DSC3: variants seen among roughly 807,000 people sequenced by gnomAD.
DSC3 encodes the protein desmocollin-3.
Under a neutral mutation model 89.5 loss-of-function variants are expected in DSC3, and 97 were observed. The ratio of observed to expected loss-of-function variants is 1.08; its 90% CI spans 0.92 to 1.28. The LOEUF (loss-of-function observed/expected upper bound fraction) is 1.28, where lower values mean the gene tolerates loss of function less well. DSC3 is among the 50% of genes most tolerant of loss of function. The pLI is 0.00. For synonymous variants in DSC3, 436 were observed against 384.1 expected (o/e 1.14, Z -1.58); for missense variants, 1,199 against 1,085.3 (o/e 1.10, Z -1.47).
In DSC3 at chr18:31,018,255, T is replaced by A; in HGVS notation, c.1079A>T (p.Tyr360Phe). ...TGCATTTTCCTCTACAAATGCTTCA[T>A]ACTGAAACAGAAAGAAGTCATTGAA... Reference protein sequence around the residue: ...DNAPTFRQNAYEAFVEENAFN... With the variant: ...DNAPTFRQNAFEAFVEENAFN... Residue 360 changes from tyrosine to phenylalanine, a missense_variant and splice_region_variant, in exon 9 of 16, where the codon TAT (tyrosine) becomes TTT (phenylalanine). Physicochemically the swap from Tyr to Phe is conservative, Grantham distance 22. Coordinates refer to ENST00000360428, the MANE Select transcript of DSC3 (RefSeq NM_001941.5). 6.2e-7 allele frequency: 1 copy of A among 1,606,752 alleles called. No individual in the cohort carries two copies. The highest frequency in any genetic ancestry group is 8.5e-7 in the Non-Finnish European group (1 of 1,177,094).
Position 30,989,944 on chromosome 18 carries a change from T to G in DSC3, c.*4231A>C, listed in dbSNP as rs1020551454. The stretch of plus-strand genomic sequence containing the variant: ...GGAACTTAAAATAAAATAAGTGTTA[T>G]CAATGTTCATTGTGAAAAAATCAAC... On this transcript the variant is annotated 3_prime_UTR_variant, in exon 16 of 16. Transcript: ENST00000360428. 2 of 152,446 alleles carry G rather than the reference T, an allele frequency of 1.3e-5. No individual in the cohort carries two copies. The highest frequency in any genetic ancestry group is 2.9e-5 in the Non-Finnish European group (2 of 68,066). The allele number at this position is 152,446 out of a possible 1,614,324, so 9.4% of individuals were successfully genotyped here. A position where few individuals can be genotyped will look rare whatever the true frequency, so the allele number is the denominator to read the frequency against.
intron 4 of DSC3, 98 bp downstream of exon 4, chr18:31,029,411 A>G (rs1985704480): frequency 6.8e-7 from 1 of 1,470,844 alleles, no homozygotes; most frequent in South Asian, 1.2e-5. Flanking sequence ...ATCTTTAATC[A>G]GATCTGTTTA....
rs147918907 is a variant in DSC3 at position 31,028,123 on chromosome 18, G to C, written c.474+1386C>G. Among the ~76,000 whole-genome samples, 190 of 152,214 alleles carry C rather than the reference G, an allele frequency of 1.2e-3. 3 individuals are homozygous for C. The East Asian group carries it at 0.033, about 26-fold the overall frequency. ...AATAGTATTTAGAGTTATGAGATCTGATGAGATCACTGAGAGAGTAAATAT... is the reference window on the plus strand; with the variant it reads ...AATAGTATTTAGAGTTATGAGATCTCATGAGATCACTGAGAGAGTAAATAT... On this transcript the variant is annotated intron_variant, in intron 4 of 15. Transcript: ENST00000360428.
At chr18:31,019,173 T>A (rs2144711269) in intron 7 of DSC3, among the ~76,000 whole-genome samples, 1 of 152,358 alleles carries the variant, frequency 6.6e-6, no homozygotes, top group South Asian at 2.1e-4. Flanking sequence ...CTTGGCTCAC[T>A]GCAACCTCCG....
chr18:31,040,135 C>T (rs1986086962), intron 1 of DSC3, among the ~76,000 whole-genome samples: 1 of 152,054 alleles, frequency 6.6e-6, no homozygotes, highest in South Asian at 2.1e-4. Context: ...AGTTCATATA[C>T]TCCAAAGAGG....
At chr18:31,019,170 C>T (rs1985336119) in intron 7 of DSC3, among the ~76,000 whole-genome samples, 1 of 152,234 alleles carries the variant, frequency 6.6e-6, no homozygotes, top group African/African-American at 2.4e-5. Context: ...GATCTTGGCT[C>T]ACTGCAACCT....
chr18:31,028,312 A>C (rs902105872), intron 4 of DSC3, among the ~76,000 whole-genome samples: 1 of 152,134 alleles, frequency 6.6e-6, no homozygotes, highest in African/African-American at 2.4e-5. Context: ...CCTAGGAGCC[A>C]AATGAACAAA....
chr18:31,010,192 A>T (rs1318775812), intron 9 of DSC3, among the ~76,000 whole-genome samples: 1 of 152,236 alleles, frequency 6.6e-6, no homozygotes. Flanking sequence ...TGAATCTTAG[A>T]ATCTACAAAA....
intron 7 of DSC3, among the ~76,000 whole-genome samples, chr18:31,019,481 C>G (rs1985348191): frequency 6.6e-6 from 1 of 152,128 alleles, no homozygotes; most frequent in Admixed American, 6.6e-5. Context: ...TTGAAACTCC[C>G]CTGCAGCAAT....
In DSC3 at chr18:31,004,242, A is replaced by G. The variant is rs1984761033; in HGVS notation, c.2013T>C (p.Cys671=). ...TCGCACGACACTGAGTTGGATGAGT[A>G]CATTCACACAGATTAACTCTCAATA... The part of the protein sequence containing the change: ...TKLLRVNLCE[C]THPTQCRATS... Residue 671 remains cysteine (C), a synonymous_variant, in exon 13 of 16, where the codon TGT becomes TGC. Coordinates refer to ENST00000360428, the MANE Select transcript of DSC3 (RefSeq NM_001941.5). 1 of 1,614,036 alleles carries G rather than the reference A, an allele frequency of 6.2e-7. No homozygotes were observed. The highest frequency in any genetic ancestry group is 8.5e-7 in the Non-Finnish European group (1 of 1,179,922).
intron 12 of DSC3, among the ~76,000 whole-genome samples, chr18:31,006,233 A>C (rs935297458): frequency 1.3e-5 from 2 of 152,132 alleles, no homozygotes; most frequent in Non-Finnish European, 2.9e-5. Flanking sequence ...CCTCACTTCC[A>C]GAGTCAGCTT....
In DSC3 at chr18:30,993,826, A is replaced by C. The variant is rs1346299749; in HGVS notation, c.*349T>G. ...TTGTTTATTTTTTAAACTATCACTT[A>C]AAGTGAATACATAATAATGTGATAT... On this transcript the variant is annotated 3_prime_UTR_variant, in exon 16 of 16. Transcript: ENST00000360428. 1 of 201,052 alleles carries C rather than the reference A, an allele frequency of 5.0e-6. No individual in the cohort carries two copies. Among genetic ancestry groups the C allele is most frequent in the Admixed American group, 5.4e-5 (1 of 18,460 alleles). The allele number at this position is 201,052 out of a possible 1,614,324, so 12.5% of individuals were successfully genotyped here. A position where few individuals can be genotyped will look rare whatever the true frequency, so the allele number is the denominator to read the frequency against.
At chr18:31,032,815 T>C (rs1025190825) in intron 1 of DSC3, among the ~76,000 whole-genome samples, 2 of 152,256 alleles carry the variant, frequency 1.3e-5, no homozygotes, top group South Asian at 2.1e-4. Context: ...TTTAACATTA[T>C]ACTGGAGCTT....
In DSC3 at chr18:31,024,506, A is replaced by G. The variant is rs767881495; in HGVS notation, c.631-13T>C. The G allele has an allele frequency of 9.4e-5, 151 of 1,611,146 alleles. No individual in the cohort carries two copies. Among genetic ancestry groups the G allele is most frequent in the Non-Finnish European group, 1.2e-4 (146 of 1,178,826 alleles). On this transcript the variant is annotated splice_polypyrimidine_tract_variant and intron_variant, in intron 5 of 15. Coordinates refer to ENST00000360428, the MANE Select transcript of DSC3 (RefSeq NM_001941.5). ...CATAAGCAATCAACTGCAAAATAGC[A>G]AAAAGAAAGTTCCATTAATATCAGA...
chr18:31,016,833 T>C (rs924736500), intron 9 of DSC3, among the ~76,000 whole-genome samples: 1 of 152,176 alleles, frequency 6.6e-6, no homozygotes, highest in Non-Finnish European at 1.5e-5. Context: ...TGGTTTCTTG[T>C]ATGGATGAAC....
intron 12 of DSC3, among the ~76,000 whole-genome samples, chr18:31,006,456 C>T (rs975673243): frequency 2.6e-5 from 4 of 152,032 alleles, no homozygotes; most frequent in Admixed American, 6.6e-5. Context: ...CCTGCCACCA[C>T]GCCCAGCTAA....
At chr18:31,011,822 A>G (rs1425753213) in intron 9 of DSC3, among the ~76,000 whole-genome samples, 2 of 151,740 alleles carry the variant, frequency 1.3e-5, no homozygotes, top group Non-Finnish European at 2.9e-5. Context: ...GTGAAACCCC[A>G]TCTCTACTAA....
chr18:31,026,197 A>T (rs1446968454), intron 4 of DSC3, among the ~76,000 whole-genome samples: 1 of 152,072 alleles, frequency 6.6e-6, no homozygotes, highest in Non-Finnish European at 1.5e-5. Context: ...AGAAAATAGG[A>T]AGTGCAAGGG....
chr18:31,032,589 TGC>T (rs1555634800), intron 1 of DSC3, among the ~76,000 whole-genome samples: 3,734 of 112,202 alleles, frequency 0.033, 62 homozygotes, highest in Middle Eastern at 0.049. Context: ...TGTGTGTGTG[TGC>T]GTGTGCGTGT....
Sources: allele counts gnomAD v4.1 joint callset (sites outside exome capture counted in the v4.1 genomes callset), GRCh38; gene constraint gnomAD v4.1.1; transcripts MANE v1.5; gene names NCBI Gene and HGNC (gene_info 2026-07-23, HGNC 2026-07-21).